The following SPHKAP variants were observed in gnomAD, a reference collection of about 807,000 sequenced individuals.
The protein encoded by SPHKAP is SPHK1 interactor, AKAP domain containing.
A neutral mutation model predicts 137.5 loss-of-function variants in SPHKAP; 67 were observed. The ratio of observed to expected loss-of-function variants is 0.49; its 90% CI spans 0.40 to 0.60. The LOEUF (loss-of-function observed/expected upper bound fraction) is 0.60, where lower values mean the gene tolerates loss of function less well. Ranked by LOEUF, SPHKAP falls within the 20% of genes least tolerant of loss-of-function variation. The probability of loss-of-function intolerance (pLI) is 0.00; values close to 1 mark genes in which losing one functional copy is unlikely to be tolerated. For synonymous variants in SPHKAP, 813 were observed against 785.3 expected, an observed-to-expected ratio of 1.04 and a Z score of -0.59; for missense variants, 2,097 against 2,069.3, an observed-to-expected ratio of 1.01 and a Z score of -0.26.
chr2:228,017,253 C>A lies in SPHKAP; in HGVS notation c.3601G>T (p.Asp1201Tyr). ...CTTTCTCTGCTGTCTCTTTCGATGT[C>A]CCTCAGCATGTACCTGTAGAACTCC... ...TEEFYRYMLRDIERDSRESAS... is the reference protein window; with the variant it reads ...TEEFYRYMLRYIERDSRESAS... The change falls in exon 7 of 12, where the codon GAC (aspartate) becomes TAC (tyrosine). Residue 1201 changes from aspartate to tyrosine, a missense_variant. Asp to Tyr is a radical substitution (Grantham distance 160). Coordinates refer to ENST00000392056, the MANE Select transcript of SPHKAP (RefSeq NM_001142644.2). The A allele has an allele frequency of 6.2e-7, 1 of 1,614,012 alleles. No individual in the cohort carries two copies. The highest frequency in any genetic ancestry group is 8.5e-7 in the Non-Finnish European group (1 of 1,180,018).
intron 3 of SPHKAP, among the ~76,000 whole-genome samples, chr2:228,101,846 T>G (rs1698190353): frequency 6.6e-6 from 1 of 152,216 alleles, no homozygotes; most frequent in Admixed American, 6.5e-5. Context: ...GGTCATTTCT[T>G]TAAAATATGT....
chr2:228,059,456 C>T (rs967913688), intron 3 of SPHKAP, among the ~76,000 whole-genome samples: 1 of 152,180 alleles, frequency 6.6e-6, no homozygotes, highest in Non-Finnish European at 1.5e-5. Flanking sequence ...AGCTAAGCTG[C>T]AGTCATGGTC....
chr2:228,100,498 T>C (rs1433593332), intron 3 of SPHKAP, among the ~76,000 whole-genome samples: 5 of 152,196 alleles, frequency 3.3e-5, no homozygotes, highest in African/African-American at 1.2e-4. Context: ...ATGGCTCTTA[T>C]TATTTTGAGG....
chr2:228,021,595 A>G (rs1418563272), intron 6 of SPHKAP, 116 bp downstream of exon 6: 5 of 1,243,546 alleles, frequency 4.0e-6, no homozygotes, highest in South Asian at 1.5e-5. Context: ...AAATTCAGCA[A>G]GTAAAGACTG....
chr2:228,075,991 G>A (rs745676287), intron 3 of SPHKAP, among the ~76,000 whole-genome samples: 1 of 152,174 alleles, frequency 6.6e-6, no homozygotes, highest in Non-Finnish European at 1.5e-5. Context: ...GGAACACAGT[G>A]GGAGGTGATT....
intron 1 of SPHKAP, among the ~76,000 whole-genome samples, chr2:228,178,919 A>G (rs1191328733): frequency 1.3e-5 from 2 of 151,868 alleles, no homozygotes; most frequent in African/African-American, 4.8e-5. Context: ...AACTCAAAGA[A>G]CCCAAAACAT....
intron 1 of SPHKAP, among the ~76,000 whole-genome samples, chr2:228,175,293 GT>G (rs148627469): frequency 0.12 from 17,829 of 151,630 alleles, 1,065 homozygotes; most frequent in East Asian, 0.2. Flanking sequence ...ATAAATGAAG[GT>G]TTTTTTTCAT....
chr2:228,032,760 T>A (rs537554898), intron 3 of SPHKAP, among the ~76,000 whole-genome samples: 1 of 152,180 alleles, frequency 6.6e-6, no homozygotes, highest in African/African-American at 2.4e-5. Context: ...ACCCAGAATT[T>A]CATATCCAGC....
chr2:227,992,923 T>C (rs1409550553), intron 9 of SPHKAP, among the ~76,000 whole-genome samples: 7 of 152,224 alleles, frequency 4.6e-5, no homozygotes, highest in Admixed American at 4.6e-4. Context: ...CCACATATTC[T>C]AGAAGTAGTC....
At position 227,981,597 on chromosome 2, in the gene SPHKAP, T is replaced by G; in HGVS notation, c.*120A>C. On this transcript the variant is annotated 3_prime_UTR_variant, in exon 12 of 12. Coordinates refer to ENST00000392056, the MANE Select transcript of SPHKAP (RefSeq NM_001142644.2). ...TGCAGTGGATCTGAGTAGCAGATTT[T>G]TTTTTATAGTTCTGCTAATGTGATG... is the stretch of plus-strand genomic sequence containing the variant. 1.5e-6 allele frequency: 2 copies of G among 1,333,384 alleles called. No homozygotes were observed. Among genetic ancestry groups the G allele is most frequent in the Non-Finnish European group, 2.0e-6 (2 of 990,822 alleles). The allele number at this position is 1,333,384 out of a possible 1,614,324, so 82.6% of individuals were successfully genotyped here.
chr2:228,039,091 G>A (rs1386615348), intron 3 of SPHKAP, among the ~76,000 whole-genome samples: 4 of 152,178 alleles, frequency 2.6e-5, no homozygotes, highest in Admixed American at 2.0e-4. Flanking sequence ...TCTTGGAATG[G>A]CAGCTCCTTT....
At chr2:228,113,606 TC>T (rs1698592725) in intron 2 of SPHKAP, among the ~76,000 whole-genome samples, 1 of 32,034 alleles carries the variant, frequency 3.1e-5, no homozygotes. Flanking sequence ...TTTAGCCATC[TC>T]TCTCTCTCTC....
intron 1 of SPHKAP, among the ~76,000 whole-genome samples, chr2:228,136,097 T>C (rs972242529): frequency 6.6e-6 from 1 of 152,180 alleles, no homozygotes; most frequent in African/African-American, 2.4e-5. Context: ...GAGGCAGAGA[T>C]GGCAGTGATA....
chr2:228,071,651 T>C (rs73096674), intron 3 of SPHKAP, among the ~76,000 whole-genome samples: 2,768 of 152,252 alleles, frequency 0.018, 81 homozygotes, highest in African/African-American at 0.061. Context: ...TGTCTGGTGG[T>C]ATAGCTGCAG....
At chr2:228,118,194 G>A (rs964959136) in intron 2 of SPHKAP, among the ~76,000 whole-genome samples, 2 of 131,064 alleles carry the variant, frequency 1.5e-5, no homozygotes, top group African/African-American at 5.7e-5. Context: ...GTAGTCACTT[G>A]TTTTCTTTTA....
chr2:228,044,669 A>G (rs1029370524), intron 3 of SPHKAP, among the ~76,000 whole-genome samples: 2 of 152,200 alleles, frequency 1.3e-5, no homozygotes, highest in Non-Finnish European at 2.9e-5. Context: ...TACATAGAAA[A>G]AGTAATTGGA....
intron 7 of SPHKAP, among the ~76,000 whole-genome samples, chr2:228,004,378 G>C (rs1394883816): frequency 3.3e-5 from 5 of 152,158 alleles, no homozygotes; most frequent in Admixed American, 6.5e-5. Context: ...TCTGATGGTA[G>C]TTTGCATTTC....
intron 11 of SPHKAP, among the ~76,000 whole-genome samples, chr2:227,988,848 G>T (rs1693308093): frequency 6.6e-6 from 1 of 152,146 alleles, no homozygotes; most frequent in Non-Finnish European, 1.5e-5. Context: ...GGTCAGAGGA[G>T]AATTTATCAA....
At position 228,035,416 on chromosome 2, in the gene SPHKAP, T is replaced by C. The variant is rs188592657; in HGVS notation, c.247-7873A>G. 1.9e-3 allele frequency among the ~76,000 whole-genome samples: 282 copies of C among 152,306 alleles called. 1 individual carries two copies. The highest frequency in any genetic ancestry group is 6.5e-3 in the Admixed American group (100 of 15,292). On this transcript the variant is annotated intron_variant, in intron 3 of 11. Coordinates refer to ENST00000392056, the MANE Select transcript of SPHKAP (RefSeq NM_001142644.2). ...CAAATGGAAGAACATTCCATGCTCA[T>C]GGGTAGGAAGAATCAATATTGTGAA...
Sources: allele counts gnomAD v4.1 joint callset (sites outside exome capture counted in the v4.1 genomes callset), GRCh38; gene constraint gnomAD v4.1.1; transcripts MANE v1.5; gene names NCBI Gene and HGNC (gene_info 2026-07-23, HGNC 2026-07-21).